The following NREP variants were observed in gnomAD, a reference collection of about 807,000 sequenced individuals.
NREP encodes neuronal regeneration-related protein.
Under a neutral mutation model 8.6 loss-of-function variants are expected in NREP, and 5 were observed. That is an observed-to-expected ratio of 0.58 (90% CI 0.30 to 1.22). NREP has a LOEUF of 1.22. Ranked by LOEUF, NREP falls within the 50% of genes most tolerant of loss-of-function variation. NREP has a pLI of 0.07. For missense variants in NREP, 86 were observed against 82.5 expected (o/e 1.04, Z -0.17); for synonymous variants, 27 against 28.0 (o/e 0.96, Z 0.11).
chr5:111,889,553 A>G (rs1234712179), intron 2 of NREP, among the ~76,000 whole-genome samples: 3 of 152,190 alleles, frequency 2.0e-5, no homozygotes, highest in African/African-American at 7.2e-5. Flanking sequence ...TCCCTTCTCA[A>G]TAGTACCCCA....
At chr5:111,812,117 A>T (rs1262237305) in intron 2 of NREP, among the ~76,000 whole-genome samples, 1 of 152,058 alleles carries the variant, frequency 6.6e-6, no homozygotes, top group Non-Finnish European at 1.5e-5. Flanking sequence ...GTGAAATCCC[A>T]TCTCTAAAAA....
chr5:111,796,651 G>A (rs896686628), intron 2 of NREP, among the ~76,000 whole-genome samples: 1 of 150,638 alleles, frequency 6.6e-6, no homozygotes, highest in African/African-American at 2.4e-5. Context: ...CAGTATCATA[G>A]TCTAGCTCAG....
intron 2 of NREP, among the ~76,000 whole-genome samples, chr5:111,752,690 T>A (rs1309016319): frequency 6.6e-6 from 1 of 152,176 alleles, no homozygotes. Flanking sequence ...AGCATCAGTC[T>A]TAAAGAGAAC....
intron 2 of NREP, among the ~76,000 whole-genome samples, chr5:111,792,901 T>C (rs1751784369): frequency 6.6e-6 from 1 of 152,186 alleles, no homozygotes; most frequent in South Asian, 2.1e-4. Flanking sequence ...ATGGGAAAAT[T>C]TTTTTCTGAT....
intron 2 of NREP, among the ~76,000 whole-genome samples, chr5:111,807,724 T>C (rs1180575989): frequency 6.6e-6 from 1 of 152,196 alleles, no homozygotes; most frequent in Non-Finnish European, 1.5e-5. Context: ...TTATGCACAT[T>C]TTATACATTT....
chr5:111,755,909 C>G, intron 1 of NREP, 79 bp from the exon 2 acceptor site: 2 of 1,575,054 alleles, frequency 1.3e-6, no homozygotes, highest in East Asian at 2.3e-5. Flanking sequence ...TTAGAGGTTA[C>G]AGACGAATAA....
intron 2 of NREP, among the ~76,000 whole-genome samples, chr5:111,743,515 T>A (rs1274825987): frequency 6.6e-6 from 1 of 152,190 alleles, no homozygotes; most frequent in Non-Finnish European, 1.5e-5. Flanking sequence ...AAATTAGGAA[T>A]ATGACATCTT....
intron 2 of NREP, among the ~76,000 whole-genome samples, chr5:111,942,970 G>A (rs1186223243): frequency 4.6e-5 from 7 of 151,906 alleles, no homozygotes; most frequent in South Asian, 2.1e-4. Flanking sequence ...TCTGGCACTA[G>A]GCAGCACTCA....
chr5:111,926,666 G>T (rs968649541), intron 2 of NREP, among the ~76,000 whole-genome samples: 1 of 152,028 alleles, frequency 6.6e-6, no homozygotes, highest in East Asian at 2.0e-4. Flanking sequence ...GAATGCACTC[G>T]AGAGGAGTGC....
At chr5:111,841,725 T>C (rs889386636) in intron 2 of NREP, among the ~76,000 whole-genome samples, 3 of 152,114 alleles carry the variant, frequency 2.0e-5, no homozygotes, top group Non-Finnish European at 4.4e-5. Flanking sequence ...TTTTTCTTAG[T>C]GGGAGGCCTT....
intron 2 of NREP, among the ~76,000 whole-genome samples, chr5:111,742,413 TCTC>T (rs1440119690): frequency 2.0e-5 from 3 of 152,186 alleles, no homozygotes; most frequent in African/African-American, 7.2e-5. Context: ...GAAAAGGAAA[TCTC>T]CTTGCTGGCA....
chr5:111,876,902 T>A (rs1200591449), intron 2 of NREP, among the ~76,000 whole-genome samples: 1 of 152,198 alleles, frequency 6.6e-6, no homozygotes, highest in African/African-American at 2.4e-5. Context: ...AAATAACTTG[T>A]CCAAAGTCAC....
intron 2 of NREP, among the ~76,000 whole-genome samples, chr5:111,864,788 C>G (rs748054074): frequency 1.3e-5 from 2 of 151,796 alleles, no homozygotes; most frequent in Non-Finnish European, 2.9e-5. Context: ...TCGTACCTAT[C>G]AAAATTTAAA....
At chr5:111,969,167 A>AG (rs1280617794) in intron 2 of NREP, among the ~76,000 whole-genome samples, 5 of 152,270 alleles carry the variant, frequency 3.3e-5, no homozygotes, top group African/African-American at 1.2e-4. Flanking sequence ...ATGGTGGAAC[A>AG]CAGAATGTTG....
At chr5:111,805,132 A>T (rs1286031467) in intron 2 of NREP, among the ~76,000 whole-genome samples, 1 of 152,252 alleles carries the variant, frequency 6.6e-6, no homozygotes, top group Non-Finnish European at 1.5e-5. Context: ...GATAAGGTAA[A>T]TAAAGCTTCA....
At chr5:111,780,717 A>T (rs1751473497) in intron 2 of NREP, among the ~76,000 whole-genome samples, 2 of 152,166 alleles carry the variant, frequency 1.3e-5, no homozygotes, top group Non-Finnish European at 2.9e-5. Flanking sequence ...AAAAAGCAGG[A>T]GCTAATAGTC....
At chr5:111,830,200 G>A (rs528854374) in intron 2 of NREP, among the ~76,000 whole-genome samples, 64 of 152,226 alleles carry the variant, frequency 4.2e-4, no homozygotes, top group African/African-American at 1.5e-3. Flanking sequence ...TAATGTTAGT[G>A]TATTTCATGT....
chr5:111,856,710 T>C (rs1753435493), intron 2 of NREP, among the ~76,000 whole-genome samples: 1 of 152,116 alleles, frequency 6.6e-6, no homozygotes, highest in Non-Finnish European at 1.5e-5. Flanking sequence ...GCATTCAAAT[T>C]TGCCTATTTT....
chr5:111,847,543 A>G (rs1340093086), intron 2 of NREP, among the ~76,000 whole-genome samples: 4 of 152,168 alleles, frequency 2.6e-5, no homozygotes, highest in Non-Finnish European at 5.9e-5. Flanking sequence ...TCTCCATGCA[A>G]TCATAGTGGG....
Sources: allele counts gnomAD v4.1 joint callset (sites outside exome capture counted in the v4.1 genomes callset), GRCh38; gene constraint gnomAD v4.1.1; transcripts MANE v1.5; gene names NCBI Gene and HGNC (gene_info 2026-07-23, HGNC 2026-07-21).